RPS6KC1: variants seen among roughly 807,000 people sequenced by gnomAD.
RPS6KC1 encodes ribosomal protein S6 kinase C1.
RPS6KC1 carries 54 observed loss-of-function variants against 103.8 expected under a neutral mutation model. That is an observed-to-expected ratio of 0.52 (90% confidence interval 0.42 to 0.65). The LOEUF is 0.65. Among genes scored for constraint, RPS6KC1 ranks in the 30% least tolerant of loss-of-function variants. The pLI is 0.00. For synonymous variants in RPS6KC1, 439 were observed against 438.7 expected, an observed-to-expected ratio of 1.00 and a Z score of -0.01; for missense variants, 1,151 against 1,253.8, an observed-to-expected ratio of 0.92 and a Z score of 1.24.
intron 8 of RPS6KC1, among the ~76,000 whole-genome samples, chr1:213,193,951 C>A (rs2092845682): frequency 1.3e-5 from 2 of 152,092 alleles, no homozygotes; most frequent in African/African-American, 4.8e-5. Context: ...GTTTTGGGGT[C>A]TATTTCTTCA....
intron 6 of RPS6KC1, among the ~76,000 whole-genome samples, chr1:213,162,182 G>A (rs1246549762): frequency 6.6e-6 from 1 of 152,084 alleles, no homozygotes; most frequent in African/African-American, 2.4e-5. Context: ...TTTGACTTTA[G>A]AACATAAGAG....
the RPS6KC1 span, among the ~76,000 whole-genome samples, chr1:213,357,986 A>G: frequency 6.6e-6 from 1 of 152,186 alleles, no homozygotes; most frequent in African/African-American, 2.4e-5. Context: ...GATGAAGCCC[A>G]CTTGATCATG....
the RPS6KC1 span, among the ~76,000 whole-genome samples, chr1:213,496,385 G>A: frequency 6.6e-6 from 1 of 152,096 alleles, no homozygotes; most frequent in East Asian, 1.9e-4. Context: ...AGATATATTA[G>A]GTGGATGTAA....
the RPS6KC1 span, among the ~76,000 whole-genome samples, chr1:213,343,438 TATAC>T: frequency 4.4e-5 from 2 of 45,690 alleles, no homozygotes; most frequent in African/African-American, 1.1e-4. Context: ...TATATATATA[TATAC>T]ATACCATGGA....
chr1:213,852,836 AT>A, the RPS6KC1 span, among the ~76,000 whole-genome samples: 1 of 152,220 alleles, frequency 6.6e-6, no homozygotes, highest in African/African-American at 2.4e-5. Context: ...AGAATATCTA[AT>A]TCTGCTAGTA....
intron 3 of RPS6KC1, among the ~76,000 whole-genome samples, chr1:213,086,184 T>C (rs1469591863): frequency 6.6e-6 from 1 of 152,240 alleles, no homozygotes; most frequent in Non-Finnish European, 1.5e-5. Flanking sequence ...GGAAGGACAC[T>C]GTAGGAAGTA....
intron 8 of RPS6KC1, among the ~76,000 whole-genome samples, chr1:213,185,072 A>C (rs989904453): frequency 6.6e-5 from 10 of 152,110 alleles, no homozygotes. Flanking sequence ...CATTACTGAG[A>C]GTGGCAGTTA....
chr1:213,190,126 T>C (rs1024082563), intron 8 of RPS6KC1, among the ~76,000 whole-genome samples: 6 of 152,186 alleles, frequency 3.9e-5, no homozygotes, highest in Admixed American at 1.3e-4. Flanking sequence ...GGAGTGCAAG[T>C]ATTTCTTTGA....
the RPS6KC1 span, among the ~76,000 whole-genome samples, chr1:213,655,566 G>C: frequency 1.7e-3 from 265 of 152,262 alleles, no homozygotes; most frequent in African/African-American, 6.2e-3. Flanking sequence ...TTACCTGATG[G>C]AGAAGATACA....
the RPS6KC1 span, among the ~76,000 whole-genome samples, chr1:213,403,977 A>C: frequency 6.6e-6 from 1 of 152,170 alleles, no homozygotes; most frequent in South Asian, 2.1e-4. Context: ...ATTGGGGTAC[A>C]CCTGGCTAAT....
At position 213,242,798 on chromosome 1, in the gene RPS6KC1, A is replaced by T. The variant is rs994799322; in HGVS notation, c.2911+140A>T. The T allele has an allele frequency of 6.3e-6, 4 of 632,846 alleles. No homozygotes were observed. In the African/African-American group the frequency reaches 7.4e-5, roughly 12 times the overall value. The allele number at this position is 632,846 out of a possible 1,614,324, so 39.2% of individuals were successfully genotyped here. On this transcript the variant is annotated intron_variant, in intron 12 of 14. Transcript: ENST00000366960. Reference sequence around the variant, plus strand: ...TGGTTATCTGTTTAACCCTTCAAAAAAGAAAATTTGGGGCTAAACCAATTA... The same window carrying T: ...TGGTTATCTGTTTAACCCTTCAAAATAGAAAATTTGGGGCTAAACCAATTA...
chr1:213,670,849 C>T, the RPS6KC1 span, among the ~76,000 whole-genome samples: 1 of 152,224 alleles, frequency 6.6e-6, no homozygotes. Flanking sequence ...AGCACTTCTA[C>T]TCATTTCCTC....
At chr1:213,858,705 T>C in the RPS6KC1 span, among the ~76,000 whole-genome samples, 1 of 152,214 alleles carries the variant, frequency 6.6e-6, no homozygotes, top group East Asian at 1.9e-4. Flanking sequence ...CATTTGGCAG[T>C]GGCTCTTAAA....
chr1:213,245,782 G>A (rs1297776230), intron 12 of RPS6KC1, among the ~76,000 whole-genome samples: 1 of 152,060 alleles, frequency 6.6e-6, no homozygotes, highest in African/African-American at 2.4e-5. Flanking sequence ...AGAAACCTGT[G>A]AATCAACATG....
chr1:213,275,551 G>T (rs545081299), downstream of RPS6KC1, among the ~76,000 whole-genome samples: 1 of 152,192 alleles, frequency 6.6e-6, no homozygotes, highest in Admixed American at 6.5e-5. Context: ...TTGAGACATG[G>T]ACCTTTTCAA....
the RPS6KC1 span, among the ~76,000 whole-genome samples, chr1:213,536,894 G>C: frequency 6.6e-6 from 1 of 152,130 alleles, no homozygotes; most frequent in Non-Finnish European, 1.5e-5. Flanking sequence ...GAGCCCAGTG[G>C]GGGGCGGGCT....
downstream of RPS6KC1, among the ~76,000 whole-genome samples, chr1:213,275,816 A>G (rs1183095939): frequency 6.6e-6 from 1 of 152,148 alleles, no homozygotes; most frequent in East Asian, 1.9e-4. Context: ...GCCAGAACCT[A>G]TTCTTCCTGT....
the RPS6KC1 span, among the ~76,000 whole-genome samples, chr1:213,556,860 T>C: frequency 1.3e-5 from 2 of 152,204 alleles, no homozygotes; most frequent in African/African-American, 2.4e-5. Flanking sequence ...CAGAGCATCA[T>C]TCGTTACTTC....
At chr1:213,602,271 T>C in the RPS6KC1 span, among the ~76,000 whole-genome samples, 4 of 140,320 alleles carry the variant, frequency 2.9e-5, no homozygotes, top group Non-Finnish European at 6.1e-5. Context: ...TTCTTTTTTT[T>C]TTTTCCAGAG....
Sources: gnomAD v4.1 joint callset for allele counts (sites outside exome capture counted in the v4.1 genomes callset) on GRCh38, gnomAD v4.1.1 for gene constraint, MANE v1.5 for transcripts, NCBI Gene and HGNC (gene_info 2026-07-23, HGNC 2026-07-21) for gene names.